The following TAFA4 variants were observed in gnomAD, a reference collection of about 807,000 sequenced individuals.
The protein encoded by TAFA4 is chemokine-like protein TAFA-4.
In TAFA4, 20 loss-of-function variants were observed where a neutral mutation model predicts 21.1. The ratio of observed to expected loss-of-function variants is 0.95; its 90% CI spans 0.67 to 1.38. The LOEUF (loss-of-function observed/expected upper bound fraction) is 1.38, where lower values mean the gene tolerates loss of function less well. Among genes scored for constraint, TAFA4 ranks in the 40% most tolerant of loss-of-function variants. The pLI, the probability that TAFA4 is intolerant of heterozygous loss-of-function variation, is 0.00. For synonymous variants in TAFA4, 71 were observed against 67.4 expected (o/e 1.05, Z -0.26); for missense variants, 211 against 180.9 (o/e 1.17, Z -0.95).
intron 3 of TAFA4, among the ~76,000 whole-genome samples, chr3:68,871,329 A>C (rs1420301711): frequency 6.6e-6 from 1 of 152,148 alleles, no homozygotes; most frequent in African/African-American, 2.4e-5. Flanking sequence ...ATATTGGGGA[A>C]AGGACAGTCT....
intron 3 of TAFA4, among the ~76,000 whole-genome samples, chr3:68,871,011 A>G (rs1160395663): frequency 2.6e-5 from 4 of 152,080 alleles, no homozygotes; most frequent in Non-Finnish European, 5.9e-5. Context: ...TGGTTCCAAA[A>G]TCTCATGCCA....
At chr3:68,768,206 T>C (rs1185770087) in intron 3 of TAFA4, among the ~76,000 whole-genome samples, 1 of 152,076 alleles carries the variant, frequency 6.6e-6, no homozygotes, top group Non-Finnish European at 1.5e-5. Context: ...TTGCAAACCA[T>C]ACATCTGATA....
At chr3:68,848,937 A>G (rs1190987848) in intron 3 of TAFA4, among the ~76,000 whole-genome samples, 1 of 46,870 alleles carries the variant, frequency 2.1e-5, no homozygotes, top group Middle Eastern at 9.3e-3. Flanking sequence ...GCTAACTTTA[A>G]AAAAAAAAAT....
At chr3:68,894,121 G>A (rs762325053) in intron 1 of TAFA4, among the ~76,000 whole-genome samples, 1 of 151,426 alleles carries the variant, frequency 6.6e-6, no homozygotes, top group Non-Finnish European at 1.5e-5. Context: ...AGGCTTAATG[G>A]GATTCAGTAT....
At chr3:68,847,437 A>G (rs572265863) in intron 3 of TAFA4, among the ~76,000 whole-genome samples, 29 of 152,204 alleles carry the variant, frequency 1.9e-4, no homozygotes, top group Admixed American at 3.9e-4. Flanking sequence ...AAGCCAGTGG[A>G]TTTTAGCTTG....
chr3:68,800,316 C>T (rs1703549127), intron 3 of TAFA4, among the ~76,000 whole-genome samples: 2 of 152,150 alleles, frequency 1.3e-5, no homozygotes, highest in Non-Finnish European at 2.9e-5. Context: ...TAATCCAGCA[C>T]TATGAGATGA....
At chr3:68,878,866 T>A (rs2089583746) in intron 3 of TAFA4, among the ~76,000 whole-genome samples, 1 of 152,108 alleles carries the variant, frequency 6.6e-6, no homozygotes. Context: ...TAGGTGGGTT[T>A]TCATTTTGGT....
At chr3:68,900,522 T>C (rs1287450439) in intron 1 of TAFA4, among the ~76,000 whole-genome samples, 1 of 152,018 alleles carries the variant, frequency 6.6e-6, no homozygotes, top group Non-Finnish European at 1.5e-5. Context: ...AGGGCAAATA[T>C]TACTGCCTCA....
At chr3:68,800,061 A>G (rs979904885) in intron 3 of TAFA4, among the ~76,000 whole-genome samples, 1 of 152,122 alleles carries the variant, frequency 6.6e-6, no homozygotes, top group Non-Finnish European at 1.5e-5. Flanking sequence ...GACTAATTGC[A>G]GGAAGATAAG....
At chr3:68,739,737 C>A (rs1043938846) in intron 4 of TAFA4, among the ~76,000 whole-genome samples, 1 of 152,142 alleles carries the variant, frequency 6.6e-6, no homozygotes, top group Non-Finnish European at 1.5e-5. Context: ...ATGGATGGAA[C>A]TGGAGATCAT....
intron 3 of TAFA4, among the ~76,000 whole-genome samples, chr3:68,823,798 C>T (rs1559533728): frequency 6.6e-6 from 1 of 152,226 alleles, no homozygotes. Flanking sequence ...CTTTTTATGG[C>T]TGCATAGTAT....
intron 1 of TAFA4, among the ~76,000 whole-genome samples, chr3:68,928,307 G>C (rs749973699): frequency 2.6e-5 from 4 of 152,048 alleles, no homozygotes; most frequent in Non-Finnish European, 5.9e-5. Flanking sequence ...ACAAATGTGG[G>C]GTACCATTAT....
intron 3 of TAFA4, among the ~76,000 whole-genome samples, chr3:68,848,377 C>T (rs982485162): frequency 1.1e-4 from 16 of 152,102 alleles, no homozygotes; most frequent in African/African-American, 1.2e-4. Flanking sequence ...TATGTATCAA[C>T]GAATAAAAAA....
At chr3:68,811,605 G>A (rs1387830686) in intron 3 of TAFA4, among the ~76,000 whole-genome samples, 3 of 152,100 alleles carry the variant, frequency 2.0e-5, no homozygotes, top group African/African-American at 4.8e-5. Context: ...GAAATGAAGC[G>A]AGAAGAGAAG....
At chr3:68,895,672 C>T (rs1382961815) in intron 1 of TAFA4, among the ~76,000 whole-genome samples, 1 of 152,134 alleles carries the variant, frequency 6.6e-6, no homozygotes, top group Non-Finnish European at 1.5e-5. Flanking sequence ...TTCAATGGGT[C>T]ACCTCTGCAT....
intron 3 of TAFA4, among the ~76,000 whole-genome samples, chr3:68,832,922 C>G (rs1704434919): frequency 6.6e-6 from 1 of 152,248 alleles, no homozygotes; most frequent in Admixed American, 6.5e-5. Context: ...GTGGACGCCC[C>G]TTCCCCCGCC....
At chr3:68,821,746 G>C (rs1704117516) in intron 3 of TAFA4, among the ~76,000 whole-genome samples, 1 of 152,058 alleles carries the variant, frequency 6.6e-6, no homozygotes, top group African/African-American at 2.4e-5. Flanking sequence ...AAAGAGTGAA[G>C]CCTGAAGGGT....
intron 3 of TAFA4, among the ~76,000 whole-genome samples, chr3:68,813,780 A>G (rs144452428): frequency 0.092 from 13,961 of 152,160 alleles, 796 homozygotes; most frequent in African/African-American, 0.16. Context: ...TATTCCAATC[A>G]ATAGAAAAAG....
chr3:68,920,819 T>C (rs1012489664), intron 1 of TAFA4, among the ~76,000 whole-genome samples: 45 of 151,962 alleles, frequency 3.0e-4, no homozygotes, highest in Non-Finnish European at 1.0e-4. Context: ...ACATGCCATG[T>C]TCTACAGTAA....
Sources: gnomAD v4.1 joint callset for allele counts (sites outside exome capture counted in the v4.1 genomes callset) on GRCh38, gnomAD v4.1.1 for gene constraint, MANE v1.5 for transcripts, NCBI Gene and HGNC (gene_info 2026-07-23, HGNC 2026-07-21) for gene names.